Variants in GPHN observed in about 807,000 individuals in gnomAD.
The protein encoded by GPHN is gephyrin.
GPHN carries 17 observed loss-of-function variants against 95.5 expected under a neutral mutation model. That is an observed-to-expected ratio of 0.18 (90% CI 0.12 to 0.27). GPHN has a LOEUF of 0.27. Among genes scored for constraint, GPHN ranks in the 10% least tolerant of loss-of-function variants. The pLI is 1.00. For missense variants in GPHN, 660 were observed against 978.1 expected (o/e 0.67, Z 4.34); for synonymous variants, 320 against 322.5 (o/e 0.99, Z 0.08).
At chr14:66,787,353 A>G (rs986512935) in intron 3 of GPHN, among the ~76,000 whole-genome samples, 2 of 152,212 alleles carry the variant, frequency 1.3e-5, no homozygotes, top group African/African-American at 4.8e-5. Flanking sequence ...ACACTTGAAT[A>G]AAGACACATT....
chr14:67,130,722 C>T (rs189957985), intron 17 of GPHN, among the ~76,000 whole-genome samples: 53 of 152,252 alleles, frequency 3.5e-4, no homozygotes, highest in African/African-American at 9.1e-4. Flanking sequence ...CTCCCACCAA[C>T]GGTGTGTAAA....
chr14:67,509,688 T>C, the GPHN span, among the ~76,000 whole-genome samples: 1 of 152,166 alleles, frequency 6.6e-6, no homozygotes, highest in Non-Finnish European at 1.5e-5. Flanking sequence ...TGGTCTATTA[T>C]CTGATCCAAG....
chr14:66,737,857 A>G (rs912404505), intron 2 of GPHN, among the ~76,000 whole-genome samples: 16 of 152,278 alleles, frequency 1.1e-4, no homozygotes, highest in East Asian at 3.9e-4. Context: ...CCTTAACTGA[A>G]TATGTTGGTC....
chr14:66,899,644 TA>T (rs1325871061), intron 5 of GPHN, among the ~76,000 whole-genome samples: 1 of 151,930 alleles, frequency 6.6e-6, no homozygotes, highest in Non-Finnish European at 1.5e-5. Flanking sequence ...TAGTTCTTTT[TA>T]CTTATTCCTG....
At chr14:67,189,611 AAGG>A in the GPHN span, 3 of 152,146 alleles carry the variant, frequency 2.0e-5, no homozygotes, top group Non-Finnish European at 4.4e-5. Flanking sequence ...TTTGAAACTG[AAGG>A]AGAAGGAAAT....
chr14:67,704,461 C>G, the GPHN span, among the ~76,000 whole-genome samples: 1 of 152,074 alleles, frequency 6.6e-6, no homozygotes, highest in African/African-American at 2.4e-5. Context: ...AATAAATTAT[C>G]TTAGGCATTT....
At chr14:67,357,972 T>C in the GPHN span, among the ~76,000 whole-genome samples, 1 of 152,178 alleles carries the variant, frequency 6.6e-6, no homozygotes, top group African/African-American at 2.4e-5. Flanking sequence ...ATATTAACAA[T>C]TGTAAGCCTG....
the GPHN span, among the ~76,000 whole-genome samples, chr14:67,276,564 C>G: frequency 9.6e-4 from 146 of 152,264 alleles, no homozygotes; most frequent in African/African-American, 3.3e-3. Context: ...ATGTATTAGG[C>G]TAAGCACTGG....
intron 9 of GPHN, among the ~76,000 whole-genome samples, chr14:66,995,320 G>T (rs951105742): frequency 6.6e-6 from 1 of 152,154 alleles, no homozygotes; most frequent in Admixed American, 6.5e-5. Context: ...TGATAAAATA[G>T]CTGTTCCAAA....
In GPHN at chr14:67,140,357, C is replaced by T. The variant is rs185142461; in HGVS notation, c.1749-3005C>T. Among the ~76,000 whole-genome samples the T allele has an allele frequency of 1.7e-4, 25 of 148,878 alleles. No individual in the cohort carries two copies. In the East Asian group the frequency reaches 4.6e-3, roughly 27 times the overall value. ...CGAGATTGTGCCATTGTACTCCAGT[C>T]TGGGCAACAAGAGCAAGACTCCATC... On this transcript the variant is annotated intron_variant, in intron 17 of 22. Transcript: ENST00000478722.
chr14:67,216,506 A>G, the GPHN span, among the ~76,000 whole-genome samples: 7 of 151,938 alleles, frequency 4.6e-5, no homozygotes, highest in African/African-American at 1.7e-4. Flanking sequence ...TTTATTTGAC[A>G]TCTTTCTAGT....
At chr14:66,925,937 G>A (rs1387002776) in intron 8 of GPHN, among the ~76,000 whole-genome samples, 3 of 152,218 alleles carry the variant, frequency 2.0e-5, no homozygotes, top group Non-Finnish European at 4.4e-5. Context: ...TTGGATAAAA[G>A]CCGTATTAAC....
chr14:67,011,341 G>T (rs140598469), intron 9 of GPHN, among the ~76,000 whole-genome samples: 3 of 151,860 alleles, frequency 2.0e-5, no homozygotes, highest in Non-Finnish European at 4.4e-5. Context: ...GGTAGGCCAA[G>T]GCAGGAGAAT....
chr14:67,611,429 T>G, the GPHN span, among the ~76,000 whole-genome samples: 1,255 of 135,318 alleles, frequency 9.3e-3, 10 homozygotes, highest in African/African-American at 0.025. Context: ...AATTTTTTGG[T>G]TTTTTTTTTG....
chr14:67,447,893 GC>G, the GPHN span: 2 of 151,862 alleles, frequency 1.3e-5, no homozygotes, highest in Non-Finnish European at 2.9e-5. Flanking sequence ...TCATGCCCTC[GC>G]CCACCCCTTC....
At chr14:67,171,132 T>A (rs1335157583) in intron 21 of GPHN, among the ~76,000 whole-genome samples, 1 of 152,092 alleles carries the variant, frequency 6.6e-6, no homozygotes, top group African/African-American at 2.4e-5. Flanking sequence ...GAGGATTGCA[T>A]GAGGCCAAGT....
rs57434082 is a variant in GPHN, at chr14:66,632,502, T to A, written c.65-48605T>A. 1.6e-4 allele frequency among the ~76,000 whole-genome samples: 17 copies of A among 103,746 alleles called. No individual in the cohort carries two copies. In the South Asian group the frequency reaches 2.5e-3, roughly 15 times the overall value. 68.1% of individuals were successfully genotyped at this position (103,746 alleles called of 152,430 possible). On this transcript the variant is annotated intron_variant, in intron 1 of 22. Transcript: ENST00000478722. ...TTACAATACATTCTTTTTTTTTTTT[T>A]TTTTTTTTTGGGATGGAGTTTTGCC...
chr14:66,853,182 A>T (rs1270658599), intron 4 of GPHN, among the ~76,000 whole-genome samples: 1 of 152,214 alleles, frequency 6.6e-6, no homozygotes, highest in Non-Finnish European at 1.5e-5. Context: ...GTAGATTTTT[A>T]AAAATCAAGT....
chr14:67,195,266 C>T, the GPHN span, among the ~76,000 whole-genome samples: 2 of 152,204 alleles, frequency 1.3e-5, no homozygotes, highest in African/African-American at 2.4e-5. Flanking sequence ...GAGACCCAGT[C>T]GTGGCTGCAA....
Sources: allele counts gnomAD v4.1 joint callset (sites outside exome capture counted in the v4.1 genomes callset), GRCh38; gene constraint gnomAD v4.1.1; transcripts MANE v1.5; gene names NCBI Gene and HGNC (gene_info 2026-07-23, HGNC 2026-07-21).